The following ARHGAP26 variants were observed in gnomAD, a reference collection of about 807,000 sequenced individuals.
The protein encoded by ARHGAP26 is Rho GTPase activating protein 26, also known as rho GTPase-activating protein 26.
ARHGAP26 carries 38 observed loss-of-function variants against 104.8 expected under a neutral mutation model. The ratio of observed to expected loss-of-function variants is 0.36; its 90% confidence interval spans 0.28 to 0.48. The LOEUF (loss-of-function observed/expected upper bound fraction) is 0.48. ARHGAP26 is among the 20% of genes least tolerant of loss of function. ARHGAP26 has a pLI of 0.99. For missense variants in ARHGAP26, 704 were observed against 947.9 expected (o/e 0.74, Z 3.38); for synonymous variants, 341 against 340.0 (o/e 1.00, Z -0.03).
chr5:142,998,678 C>G, intron 11 of ARHGAP26, among the ~76,000 whole-genome samples: 1 of 151,982 alleles, frequency 6.6e-6, no homozygotes, highest in Middle Eastern at 3.2e-3. Flanking sequence ...GAGCTGTGAT[C>G]GAGCCACTGC....
chr5:143,011,168 T>C (rs539879984), intron 11 of ARHGAP26, among the ~76,000 whole-genome samples: 1 of 152,270 alleles, frequency 6.6e-6, no homozygotes, highest in African/African-American at 2.4e-5. Flanking sequence ...CTTTTCACCT[T>C]CCAAGGACCT....
chr5:143,101,676 A>G (rs1476110149), intron 17 of ARHGAP26, among the ~76,000 whole-genome samples: 1 of 150,610 alleles, frequency 6.6e-6, no homozygotes, highest in East Asian at 2.0e-4. Flanking sequence ...AGACACACAC[A>G]CTGTTGCCTT....
intron 11 of ARHGAP26, among the ~76,000 whole-genome samples, chr5:142,964,762 C>T (rs902064389): frequency 7.2e-5 from 11 of 152,128 alleles, no homozygotes; most frequent in African/African-American, 9.7e-5. Flanking sequence ...ATCTCTTGCA[C>T]GGTAGCCTGT....
chr5:143,072,683 TA>T (rs1277640353), intron 17 of ARHGAP26, among the ~76,000 whole-genome samples: 1 of 151,886 alleles, frequency 6.6e-6, no homozygotes, highest in South Asian at 2.1e-4. Context: ...ATGTGGAAAC[TA>T]AAAAAGGTCG....
intron 1 of ARHGAP26, among the ~76,000 whole-genome samples, chr5:142,788,465 T>C (rs1158796811): frequency 6.6e-6 from 1 of 152,202 alleles, no homozygotes; most frequent in Non-Finnish European, 1.5e-5. Flanking sequence ...ATGATTTAAA[T>C]TTATTTGAAC....
rs146350904 is a variant in ARHGAP26 at position 143,204,519 on chromosome 5, C to T, written c.1989-2679C>T. Among the ~76,000 whole-genome samples, 39 of 152,226 alleles carry T rather than the reference C, an allele frequency of 2.6e-4. No individual in the cohort carries two copies. The East Asian group carries it at 7.1e-3, about 28-fold the overall frequency. On this transcript the variant is annotated intron_variant, in intron 20 of 22. Transcript: ENST00000645722. ...AGCCTGGGCGACAAGAGCAAAACTC[C>T]GTCTCCAGAAGAAAAAATTGCAGTT...
At chr5:143,061,412 A>G (rs1289376148) in intron 17 of ARHGAP26, among the ~76,000 whole-genome samples, 1 of 152,230 alleles carries the variant, frequency 6.6e-6, no homozygotes, top group Non-Finnish European at 1.5e-5. Context: ...ATTACCGTGT[A>G]TGCAGTGAGG....
At chr5:142,931,877 A>G (rs712176) in intron 10 of ARHGAP26, among the ~76,000 whole-genome samples, 170 bp from the exon 11 acceptor site, 73,073 of 152,074 alleles carry the variant, frequency 0.48, 21,372 homozygotes, top group East Asian at 0.91. Flanking sequence ...AATTTGGGCC[A>G]TCCTTTCTGA....
At chr5:142,865,926 T>G (rs1327619734) in intron 1 of ARHGAP26, among the ~76,000 whole-genome samples, 1 of 152,230 alleles carries the variant, frequency 6.6e-6, no homozygotes, top group African/African-American at 2.4e-5. Context: ...ATGTTTCCAC[T>G]TCTATAGCAT....
intron 22 of ARHGAP26, 88 bp from the exon 23 acceptor site, chr5:143,222,270 C>T: frequency 1.3e-6 from 1 of 747,450 alleles, no homozygotes; most frequent in Admixed American, 2.5e-5. Flanking sequence ...CACACACACA[C>T]ACACACACAC....
intron 5 of ARHGAP26, among the ~76,000 whole-genome samples, chr5:142,892,864 C>T (rs1362751674): frequency 6.6e-6 from 1 of 152,056 alleles, no homozygotes; most frequent in African/African-American, 2.4e-5. Flanking sequence ...ATACACCGTA[C>T]ATCAGTTAGC....
chr5:143,104,704 C>T (rs1305106900), intron 17 of ARHGAP26, among the ~76,000 whole-genome samples: 2 of 152,062 alleles, frequency 1.3e-5, no homozygotes, highest in Non-Finnish European at 2.9e-5. Context: ...TTATCGAATA[C>T]CCATACAGTG....
intron 1 of ARHGAP26, among the ~76,000 whole-genome samples, chr5:142,810,724 T>C (rs1226177331): frequency 6.6e-6 from 1 of 152,228 alleles, no homozygotes; most frequent in East Asian, 1.9e-4. Context: ...ACCTATTTCA[T>C]TGTTGACCTA....
intron 1 of ARHGAP26, among the ~76,000 whole-genome samples, chr5:142,843,127 A>G (rs1434570374): frequency 3.3e-5 from 5 of 152,194 alleles, no homozygotes; most frequent in African/African-American, 4.8e-5. Context: ...AAAGCTTGCC[A>G]TGAATGTTCC....
chr5:142,990,184 C>T (rs1775381859), intron 11 of ARHGAP26, among the ~76,000 whole-genome samples: 1 of 152,142 alleles, frequency 6.6e-6, no homozygotes, highest in African/African-American at 2.4e-5. Flanking sequence ...AACTTCTCTT[C>T]TCGCTTCATT....
In ARHGAP26 at chr5:143,046,020, G is replaced by A. The variant is rs1784184724; in HGVS notation, c.1285+4130G>A. Reference sequence around the variant, plus strand: ...GTGGTGGTGCACACCTGTAATCCCAGCTACTTGGGAGGCTGAGGCAGGAGA... The same window carrying A: ...GTGGTGGTGCACACCTGTAATCCCAACTACTTGGGAGGCTGAGGCAGGAGA... On this transcript the variant is annotated intron_variant, in intron 14 of 22. Transcript: ENST00000645722. 3.3e-5 allele frequency among the ~76,000 whole-genome samples: 5 copies of A among 152,198 alleles called. 1 individual carries two copies. The highest frequency in any genetic ancestry group is 2.6e-4 in the Admixed American group (4 of 15,290).
chr5:142,849,317 C>T (rs984310767), intron 1 of ARHGAP26, among the ~76,000 whole-genome samples: 1 of 152,210 alleles, frequency 6.6e-6, no homozygotes, highest in Middle Eastern at 3.2e-3. Flanking sequence ...CCCAAGACTT[C>T]AGAGCAGGGG....
intron 20 of ARHGAP26, among the ~76,000 whole-genome samples, chr5:143,154,452 A>C (rs258802): frequency 0.58 from 88,680 of 152,078 alleles, 26,105 homozygotes; most frequent in Middle Eastern, 0.76. Context: ...ATGGCAATTA[A>C]TAGTATTATT....
intron 1 of ARHGAP26, among the ~76,000 whole-genome samples, chr5:142,857,012 A>AATC (rs1178284915): frequency 1.3e-5 from 2 of 152,170 alleles, no homozygotes; most frequent in Admixed American, 1.3e-4. Flanking sequence ...TCTAGGGAAG[A>AATC]ATCATTCCTG....
Sources: gnomAD v4.1 joint callset for allele counts (sites outside exome capture counted in the v4.1 genomes callset) on GRCh38, gnomAD v4.1.1 for gene constraint, MANE v1.5 for transcripts, NCBI Gene and HGNC (gene_info 2026-07-23, HGNC 2026-07-21) for gene names.